GPHN: variants seen among roughly 807,000 people sequenced by gnomAD.
GPHN encodes the protein gephyrin.
In GPHN, 17 loss-of-function variants were observed where a neutral mutation model predicts 95.5. That is an observed-to-expected ratio of 0.18 (90% CI 0.12 to 0.27). The LOEUF (loss-of-function observed/expected upper bound fraction) is 0.27, where lower values mean the gene tolerates loss of function less well. Ranked by LOEUF, GPHN falls within the 10% of genes least tolerant of loss-of-function variation. The pLI is 1.00. For synonymous variants in GPHN, 320 were observed against 322.5 expected (o/e 0.99, Z 0.08); for missense variants, 660 against 978.1 (o/e 0.67, Z 4.34).
At chr14:66,633,156 A>G (rs1430691663) in intron 1 of GPHN, among the ~76,000 whole-genome samples, 2 of 152,076 alleles carry the variant, frequency 1.3e-5, no homozygotes, top group South Asian at 2.1e-4. Flanking sequence ...TTTATTTTCT[A>G]CTGTAATTTA....
chr14:67,645,483 G>A, the GPHN span, among the ~76,000 whole-genome samples: 1 of 152,134 alleles, frequency 6.6e-6, no homozygotes, highest in Non-Finnish European at 1.5e-5. Flanking sequence ...ATTAATTTTT[G>A]AGAACTACAA....
In GPHN at chr14:67,180,909, TG is replaced by T; in HGVS notation, c.2284del (p.Asp762MetfsTer35). The T allele has an allele frequency of 6.2e-7, 1 of 1,613,970 alleles. No individual in the cohort carries two copies. Among genetic ancestry groups the T allele is most frequent in the Non-Finnish European group, 8.5e-7 (1 of 1,179,932 alleles). ...QYVELHKGEV[V>X]DVMVIGRL ...GTGGAGCTCCACAAAGGCGAGGTGG[TG>T]GATGTCATGGTCATTGGACGGCTAT... On this transcript the variant is annotated frameshift_variant, in exon 23 of 23. Coordinates refer to ENST00000478722, the MANE Select transcript of GPHN (RefSeq NM_020806.5). LOFTEE classifies it high-confidence loss of function.
chr14:67,252,122 A>G, the GPHN span, among the ~76,000 whole-genome samples: 4 of 152,098 alleles, frequency 2.6e-5, no homozygotes, highest in African/African-American at 9.7e-5. Flanking sequence ...CTTATAATAA[A>G]CCAGTAATAG....
At chr14:66,940,477 G>A (rs901287031) in intron 8 of GPHN, among the ~76,000 whole-genome samples, 19 of 152,136 alleles carry the variant, frequency 1.2e-4, no homozygotes, top group Non-Finnish European at 2.5e-4. Flanking sequence ...GCCACCCATA[G>A]GTTTTAAAGT....
chr14:67,724,898 G>A, the GPHN span, among the ~76,000 whole-genome samples: 1 of 152,172 alleles, frequency 6.6e-6, no homozygotes, highest in Non-Finnish European at 1.5e-5. Context: ...TGGGAACCAG[G>A]TTCCCAGCCT....
At chr14:66,673,692 C>T (rs1238507410) in intron 1 of GPHN, among the ~76,000 whole-genome samples, 1 of 152,132 alleles carries the variant, frequency 6.6e-6, no homozygotes, top group Non-Finnish European at 1.5e-5. Context: ...CTCTAACGCA[C>T]TTTATTTAAG....
At chr14:67,310,117 C>T in the GPHN span, among the ~76,000 whole-genome samples, 1 of 150,434 alleles carries the variant, frequency 6.6e-6, no homozygotes, top group Non-Finnish European at 1.5e-5. Context: ...GGAGATTTTT[C>T]CTCATGCCAA....
intron 2 of GPHN, among the ~76,000 whole-genome samples, chr14:66,765,126 A>G (rs1482012495): frequency 2.0e-5 from 3 of 152,236 alleles, no homozygotes; most frequent in East Asian, 1.9e-4. Flanking sequence ...ACCACTTCCC[A>G]TTCTTTCTGA....
At chr14:66,744,939 C>G (rs776675117) in intron 2 of GPHN, among the ~76,000 whole-genome samples, 3 of 151,986 alleles carry the variant, frequency 2.0e-5, no homozygotes, top group Admixed American at 6.6e-5. Flanking sequence ...AAGGAAGATT[C>G]GTCCCTGTGG....
intron 9 of GPHN, among the ~76,000 whole-genome samples, chr14:66,990,836 AAT>A (rs1272869723): frequency 2.7e-5 from 4 of 149,010 alleles, no homozygotes; most frequent in African/African-American, 5.2e-5. Flanking sequence ...TTAATTTGCT[AAT>A]AGTTTAATTT....
rs367549820 is a variant in GPHN, at chr14:66,922,988, G to A, written c.729+50G>A. On this transcript the variant is annotated intron_variant, in intron 7 of 22. Transcript: ENST00000478722. Reference sequence around the variant, plus strand: ...AGGCCTAAAGGACCCACAGGTAAATGTACTGGTTTCATCTGTTTTGCATCG... The same window carrying A: ...AGGCCTAAAGGACCCACAGGTAAATATACTGGTTTCATCTGTTTTGCATCG... 15 of 1,503,446 alleles carry A rather than the reference G, an allele frequency of 1.0e-5. No individual in the cohort carries two copies. In the African/African-American group the frequency reaches 1.2e-4, roughly 13 times the overall value. 93.1% of individuals were successfully genotyped at this position (1,503,446 alleles called of 1,614,324 possible). A position where few individuals can be genotyped will look rare whatever the true frequency, so the allele number is the denominator to read the frequency against.
chr14:67,333,082 C>A, the GPHN span: 1 of 773,782 alleles, frequency 1.3e-6, no homozygotes. Flanking sequence ...TAGATCTGTT[C>A]TTAGATCTCT....
chr14:67,079,358 T>A (rs2153662108), intron 11 of GPHN, among the ~76,000 whole-genome samples: 1 of 152,144 alleles, frequency 6.6e-6, no homozygotes, highest in East Asian at 1.9e-4. Context: ...CACCACAATT[T>A]TAGAACATTT....
chr14:66,858,774 G>A (rs2062903324), intron 4 of GPHN, among the ~76,000 whole-genome samples: 1 of 152,066 alleles, frequency 6.6e-6, no homozygotes, highest in South Asian at 2.1e-4. Context: ...GGAGTCCACT[G>A]CCCTGAAGAG....
the GPHN span, chr14:67,585,698 A>C: frequency 7.3e-7 from 1 of 1,365,734 alleles, no homozygotes; most frequent in East Asian, 2.5e-5. Context: ...CCTCTTCCTC[A>C]ACATGGTCTT....
At chr14:67,552,987 A>G in the GPHN span, among the ~76,000 whole-genome samples, 1 of 152,236 alleles carries the variant, frequency 6.6e-6, no homozygotes, top group Non-Finnish European at 1.5e-5. Flanking sequence ...TGTCAATAAC[A>G]GAGCGATTTC....
At chr14:67,669,908 T>C in the GPHN span, among the ~76,000 whole-genome samples, 4 of 152,152 alleles carry the variant, frequency 2.6e-5, no homozygotes, top group African/African-American at 9.6e-5. Context: ...GAGAACAGCC[T>C]GGATAACATG....
At chr14:67,213,083 G>T in the GPHN span, among the ~76,000 whole-genome samples, 2 of 144,476 alleles carry the variant, frequency 1.4e-5, no homozygotes, top group Admixed American at 7.0e-5. Context: ...ATGGGGCATA[G>T]AATTCTGTGG....
intron 1 of GPHN, among the ~76,000 whole-genome samples, chr14:66,618,778 G>A (rs1356358580): frequency 6.6e-6 from 1 of 152,094 alleles, no homozygotes; most frequent in Admixed American, 6.6e-5. Context: ...GACATGACAT[G>A]CAATAAACGG....
Sources: allele counts gnomAD v4.1 joint callset (sites outside exome capture counted in the v4.1 genomes callset), GRCh38; gene constraint gnomAD v4.1.1; transcripts MANE v1.5; gene names NCBI Gene and HGNC (gene_info 2026-07-23, HGNC 2026-07-21).